Variants in PSEN1 observed in about 807,000 individuals in gnomAD.
The protein encoded by PSEN1 is presenilin 1.
PSEN1 carries 15 observed loss-of-function variants against 53.5 expected under a neutral mutation model. That is an observed-to-expected ratio of 0.28 (90% CI 0.19 to 0.43). The LOEUF (loss-of-function observed/expected upper bound fraction) is 0.43, where lower values mean the gene tolerates loss of function less well. Ranked by LOEUF, PSEN1 falls within the 20% of genes least tolerant of loss-of-function variation. The pLI is 1.00. For synonymous variants in PSEN1, 208 were observed against 209.8 expected, an observed-to-expected ratio of 0.99 and a Z score of 0.08; for missense variants, 387 against 571.2, an observed-to-expected ratio of 0.68 and a Z score of 3.29.
At chr14:73,153,903 G>A (rs1419538078) in intron 3 of PSEN1, among the ~76,000 whole-genome samples, 1 of 151,702 alleles carries the variant, frequency 6.6e-6, no homozygotes, top group African/African-American at 2.4e-5. Context: ...AGATAGAGAT[G>A]GGGTTTCACC....
At chr14:73,179,303 G>A (rs1227251839) in intron 5 of PSEN1, among the ~76,000 whole-genome samples, 1 of 152,040 alleles carries the variant, frequency 6.6e-6, no homozygotes. Flanking sequence ...GTGAGGACTG[G>A]GCATACGAGA....
intron 8 of PSEN1, among the ~76,000 whole-genome samples, chr14:73,203,936 T>C (rs1899335504): frequency 6.6e-6 from 1 of 152,240 alleles, no homozygotes; most frequent in Admixed American, 6.5e-5. Flanking sequence ...GGAGGATTGC[T>C]TGAGCCCAGG....
intron 7 of PSEN1, among the ~76,000 whole-genome samples, chr14:73,196,086 G>C (rs1898928684): frequency 6.6e-6 from 1 of 152,136 alleles, no homozygotes; most frequent in African/African-American, 2.4e-5. Context: ...CCAATGTTTA[G>C]AGTAGTGATT....
intron 11 of PSEN1, among the ~76,000 whole-genome samples, chr14:73,218,571 G>T (rs1348248690): frequency 3.9e-5 from 6 of 152,108 alleles, no homozygotes; most frequent in Admixed American, 6.6e-5. Context: ...TAAACTTTTA[G>T]TTTATTTTAT....
chr14:73,143,241 C>G (rs974061997), intron 1 of PSEN1, among the ~76,000 whole-genome samples: 2 of 152,160 alleles, frequency 1.3e-5, no homozygotes, highest in Non-Finnish European at 2.9e-5. Context: ...GAAGACCTAG[C>G]CCTGTTGCCT....
intron 4 of PSEN1, among the ~76,000 whole-genome samples, chr14:73,172,407 A>C (rs1438022344): frequency 1.3e-5 from 2 of 152,210 alleles, no homozygotes; most frequent in Non-Finnish European, 2.9e-5. Context: ...TATTATCCAT[A>C]TAGGTTAGGG....
chr14:73,141,368 C>T (rs1168146619), intron 1 of PSEN1, among the ~76,000 whole-genome samples: 1 of 151,890 alleles, frequency 6.6e-6, no homozygotes, highest in Non-Finnish European at 1.5e-5. Context: ...CTCTTTTTAG[C>T]GTCTGCTGCT....
chr14:73,213,369 G>C (rs574703741), intron 10 of PSEN1, among the ~76,000 whole-genome samples: 1 of 152,042 alleles, frequency 6.6e-6, no homozygotes, highest in East Asian at 1.9e-4. Flanking sequence ...TCCCTCTCCT[G>C]AGAGGGCTCT....
intron 8 of PSEN1, among the ~76,000 whole-genome samples, chr14:73,205,117 A>C (rs1355442016): frequency 3.3e-5 from 5 of 152,206 alleles, no homozygotes; most frequent in Non-Finnish European, 5.9e-5. Flanking sequence ...TGAGTATTAG[A>C]AACATGGATA....
chr14:73,192,956 G>A, intron 7 of PSEN1, 92 bp downstream of exon 7: 1 of 993,068 alleles, frequency 1.0e-6, no homozygotes, highest in Non-Finnish European at 1.6e-6. Context: ...TAGAGAAAAT[G>A]GTAACGTGTA....
At chr14:73,154,300 A>G (rs1897301037) in intron 3 of PSEN1, among the ~76,000 whole-genome samples, 1 of 152,102 alleles carries the variant, frequency 6.6e-6, no homozygotes, top group African/African-American at 2.4e-5. Context: ...ACACACAATT[A>G]TAAACTTAAT....
intron 8 of PSEN1, 32 bp from the exon 9 acceptor site, chr14:73,206,354 G>A (rs1899454609): frequency 2.6e-6 from 4 of 1,547,238 alleles, no homozygotes; most frequent in East Asian, 4.5e-5. Flanking sequence ...TGTGTGTCCA[G>A]TGCTTACCTG....
chr14:73,207,227 T>C (rs1029142451), intron 9 of PSEN1, among the ~76,000 whole-genome samples: 4 of 151,664 alleles, frequency 2.6e-5, no homozygotes, highest in African/African-American at 9.7e-5. Flanking sequence ...ACAGAACATA[T>C]TAAGGAGAAC....
rs1898463785 is a variant in PSEN1, at chr14:73,185,398, G to A, written c.481-1455G>A. 2.0e-5 allele frequency among the ~76,000 whole-genome samples: 3 copies of A among 152,354 alleles called. No individual in the cohort carries two copies. In the South Asian group the frequency reaches 6.2e-4, roughly 32 times the overall value. On this transcript the variant is annotated intron_variant, in intron 5 of 11. Transcript: ENST00000324501. ...GCTGGTGGATCACTTGCGGTTAGGG[G>A]CTGGAGACCGGCCTGGCCAACACAG... is the stretch of plus-strand genomic sequence containing the variant.
intron 3 of PSEN1, among the ~76,000 whole-genome samples, chr14:73,153,359 C>G (rs1450514599): frequency 6.6e-6 from 1 of 152,124 alleles, no homozygotes; most frequent in Non-Finnish European, 1.5e-5. Context: ...AACATAACAG[C>G]CCCATAAGTG....
At chr14:73,145,420 G>A (rs1897041585) in intron 1 of PSEN1, among the ~76,000 whole-genome samples, 1 of 151,878 alleles carries the variant, frequency 6.6e-6, no homozygotes, top group African/African-American at 2.4e-5. Flanking sequence ...CTGCAGCTTT[G>A]ACTTTCTTGG....
intron 5 of PSEN1, among the ~76,000 whole-genome samples, chr14:73,176,511 T>C (rs1423018865): frequency 6.6e-6 from 1 of 152,246 alleles, no homozygotes; most frequent in African/African-American, 2.4e-5. Flanking sequence ...TGTAGTTGGA[T>C]AGGTGGAGCT....
chr14:73,180,466 G>C (rs214267), intron 5 of PSEN1, among the ~76,000 whole-genome samples: 31,509 of 152,144 alleles, frequency 0.21, 3,515 homozygotes, highest in African/African-American at 0.29. Context: ...GTCAGAGATT[G>C]AGTAACTTGC....
At chr14:73,149,630 C>G (rs1897163536) in intron 3 of PSEN1, among the ~76,000 whole-genome samples, 1 of 152,008 alleles carries the variant, frequency 6.6e-6, no homozygotes, top group Non-Finnish European at 1.5e-5. Flanking sequence ...GGCAGTTGTC[C>G]AGGTTTGTTT....
Sources: gnomAD v4.1 joint callset for allele counts (sites outside exome capture counted in the v4.1 genomes callset) on GRCh38, gnomAD v4.1.1 for gene constraint, MANE v1.5 for transcripts, NCBI Gene and HGNC (gene_info 2026-07-23, HGNC 2026-07-21) for gene names.